Variants in POLR3B observed in about 807,000 individuals in gnomAD.
POLR3B encodes the protein DNA-directed RNA polymerase III subunit RPC2.
POLR3B carries 96 observed loss-of-function variants against 147.4 expected under a neutral mutation model. That is an observed-to-expected ratio of 0.65 (90% CI 0.55 to 0.77). POLR3B has a LOEUF of 0.77. Ranked by LOEUF, POLR3B falls within the 30% of genes least tolerant of loss-of-function variation. The pLI is 0.00. For synonymous variants in POLR3B, 461 were observed against 485.9 expected (o/e 0.95, Z 0.67); for missense variants, 1,036 against 1,413.5 (o/e 0.73, Z 4.28).
chr12:106,490,222 A>G (rs988069125), intron 23 of POLR3B, among the ~76,000 whole-genome samples: 2 of 152,186 alleles, frequency 1.3e-5, no homozygotes, highest in African/African-American at 4.8e-5. Flanking sequence ...CAAATAGTGT[A>G]GCCTCAACAC....
At chr12:106,486,320 A>C (rs1204508512) in intron 23 of POLR3B, among the ~76,000 whole-genome samples, 2 of 147,812 alleles carry the variant, frequency 1.4e-5, no homozygotes, top group East Asian at 2.0e-4. Flanking sequence ...AAAAAAGAGT[A>C]AGGAGATTGA....
At chr12:106,449,539 A>C (rs1325806161) in intron 19 of POLR3B, among the ~76,000 whole-genome samples, 1 of 152,184 alleles carries the variant, frequency 6.6e-6, no homozygotes, top group African/African-American at 2.4e-5. Flanking sequence ...TTTGTATGTG[A>C]TATGTGTTAT....
intron 10 of POLR3B, among the ~76,000 whole-genome samples, chr12:106,403,577 T>C (rs1233878128): frequency 6.6e-6 from 1 of 151,784 alleles, no homozygotes; most frequent in Non-Finnish European, 1.5e-5. Flanking sequence ...CCAACAACAA[T>C]AGACTGGATT....
At chr12:106,426,706 C>T (rs1172367273) in intron 12 of POLR3B, among the ~76,000 whole-genome samples, 1 of 152,050 alleles carries the variant, frequency 6.6e-6, no homozygotes, top group East Asian at 1.9e-4. Context: ...AGGAGAGGAA[C>T]TGTTGGGGCA....
chr12:106,444,661 T>C, intron 19 of POLR3B, 71 bp downstream of exon 19: 1 of 1,501,444 alleles, frequency 6.7e-7, no homozygotes. Context: ...TACATCTTTA[T>C]TCCTGCTTCA....
At chr12:106,405,094 T>C (rs2037132268) in intron 10 of POLR3B, among the ~76,000 whole-genome samples, 1 of 152,188 alleles carries the variant, frequency 6.6e-6, no homozygotes, top group Non-Finnish European at 1.5e-5. Flanking sequence ...TATTTGTCTA[T>C]CCTTGTGCCA....
intron 10 of POLR3B, among the ~76,000 whole-genome samples, chr12:106,398,952 C>G (rs562973217): frequency 1.3e-5 from 2 of 152,156 alleles, no homozygotes; most frequent in Non-Finnish European, 2.9e-5. Context: ...GAACGCAGCT[C>G]CTCACCAGCA....
chr12:106,417,925 A>C (rs550489815), intron 12 of POLR3B, among the ~76,000 whole-genome samples: 1 of 152,348 alleles, frequency 6.6e-6, no homozygotes, highest in East Asian at 1.9e-4. Flanking sequence ...AATTAAAAAG[A>C]GGGTTCCCAT....
chr12:106,437,795 A>G lies in POLR3B; in HGVS notation c.1955+16A>G. The G allele has an allele frequency of 7.3e-7, 1 of 1,375,686 alleles. No individual in the cohort carries two copies. Among genetic ancestry groups the G allele is most frequent in the Non-Finnish European group, 1.0e-6 (1 of 963,144 alleles). 85.2% of individuals were successfully genotyped at this position (1,375,686 alleles called of 1,614,324 possible). A position where few individuals can be genotyped will look rare whatever the true frequency, so the allele number is the denominator to read the frequency against. Reference sequence around the variant, plus strand: ...CAATTAATAAGTAAGTAGGATCCATAGCAACCATAATTAAAACGTGTTCTG... The same window carrying G: ...CAATTAATAAGTAAGTAGGATCCATGGCAACCATAATTAAAACGTGTTCTG... On this transcript the variant is annotated intron_variant, in intron 18 of 27. Coordinates refer to ENST00000228347, the MANE Select transcript of POLR3B (RefSeq NM_018082.6).
intron 22 of POLR3B, 124 bp downstream of exon 22, chr12:106,459,492 T>A: frequency 1.4e-6 from 1 of 721,244 alleles, no homozygotes; most frequent in Non-Finnish European, 2.6e-6. Context: ...GTAGCATTAC[T>A]TGTCATGGAA....
At chr12:106,496,702 A>T (rs776731341) in intron 24 of POLR3B, 50 bp from the exon 25 acceptor site, 4 of 1,506,032 alleles carry the variant, frequency 2.7e-6, no homozygotes, top group South Asian at 1.1e-5. Flanking sequence ...AAGCAGAGAG[A>T]GTGCTTGTGC....
chr12:106,375,720 T>C (rs1214421860), intron 6 of POLR3B, among the ~76,000 whole-genome samples: 1 of 152,212 alleles, frequency 6.6e-6, no homozygotes, highest in African/African-American at 2.4e-5. Flanking sequence ...CTCTTGTTCC[T>C]TACACTTGGA....
At chr12:106,429,042 G>C (rs1043253237) in intron 13 of POLR3B, among the ~76,000 whole-genome samples, 5 of 152,174 alleles carry the variant, frequency 3.3e-5, no homozygotes, top group African/African-American at 1.2e-4. Flanking sequence ...GTTTCTATGT[G>C]CATTTTTCTC....
chr12:106,402,941 C>T (rs553792156), intron 10 of POLR3B, among the ~76,000 whole-genome samples: 8 of 152,052 alleles, frequency 5.3e-5, no homozygotes, highest in Middle Eastern at 6.8e-3. Flanking sequence ...ATGGCAACAA[C>T]AGCCAAAATT....
Position 106,427,179 on chromosome 12 carries a change from C to CTTTTTTTTTTTTTTTTTTTTTT in POLR3B, c.1102-3_1102-2insTTTTTTTTTTTTTTTTTTTTTT. The stretch of plus-strand genomic sequence containing the variant: ...TGCTTTTTGAAAAATCACCATATAC[C>CTTTTTTTTTTTTTTTTTTTTTT]TTTTTTTTTTTTTTTAGCTTTTATC... On this transcript the variant is annotated splice_polypyrimidine_tract_variant and intron_variant, in intron 12 of 27. Transcript: ENST00000228347. 8.1e-7 allele frequency: 1 copy of CTTTTTTTTTTTTTTTTTTTTTT among 1,229,222 alleles called. No homozygotes were observed. The highest frequency in any genetic ancestry group is 1.1e-6 in the Non-Finnish European group (1 of 887,296). 76.1% of individuals were successfully genotyped at this position (1,229,222 alleles called of 1,614,324 possible). A position where few individuals can be genotyped will look rare whatever the true frequency, so the allele number is the denominator to read the frequency against.
At chr12:106,461,775 T>C (rs1199340702) in intron 22 of POLR3B, among the ~76,000 whole-genome samples, 1 of 152,138 alleles carries the variant, frequency 6.6e-6, no homozygotes, top group Non-Finnish European at 1.5e-5. Flanking sequence ...GCCCTCCCTA[T>C]CAGTCTAATC....
At chr12:106,380,426 A>G (rs2036745759) in intron 9 of POLR3B, among the ~76,000 whole-genome samples, 1 of 151,656 alleles carries the variant, frequency 6.6e-6, no homozygotes, top group Admixed American at 6.6e-5. Context: ...AAAAAAAAAA[A>G]AAAAAAAATA....
intron 10 of POLR3B, among the ~76,000 whole-genome samples, chr12:106,400,457 A>G (rs528241119): frequency 7.2e-5 from 11 of 152,078 alleles, no homozygotes; most frequent in Admixed American, 1.3e-4. Flanking sequence ...ATTGAACTCG[A>G]CTCTGCACCA....
chr12:106,489,207 A>G (rs1181725520), intron 23 of POLR3B, among the ~76,000 whole-genome samples: 4 of 152,208 alleles, frequency 2.6e-5, no homozygotes, highest in Non-Finnish European at 5.9e-5. Flanking sequence ...ATAACTGCAA[A>G]TCTGAGATAA....
Sources: gnomAD v4.1 joint callset for allele counts (sites outside exome capture counted in the v4.1 genomes callset) on GRCh38, gnomAD v4.1.1 for gene constraint, MANE v1.5 for transcripts, NCBI Gene and HGNC (gene_info 2026-07-23, HGNC 2026-07-21) for gene names.